The following FNDC3B variants were observed in gnomAD, a reference collection of about 807,000 sequenced individuals.
FNDC3B encodes the protein fibronectin type III domain-containing protein 3B.
In FNDC3B, 12 loss-of-function variants were observed where a neutral mutation model predicts 151.5. The ratio of observed to expected loss-of-function variants is 0.08; its 90% CI spans 0.05 to 0.13. The LOEUF is 0.13. FNDC3B is among the 10% of genes least tolerant of loss of function. The pLI, the probability that FNDC3B is intolerant of heterozygous loss-of-function variation, is 1.00. For missense variants in FNDC3B, 1,214 were observed against 1,505.3 expected (o/e 0.81, Z 3.20); for synonymous variants, 528 against 549.0 (o/e 0.96, Z 0.54).
intron 6 of FNDC3B, among the ~76,000 whole-genome samples, chr3:172,259,662 C>T (rs924138546): frequency 6.6e-6 from 1 of 152,112 alleles, no homozygotes; most frequent in African/African-American, 2.4e-5. Context: ...ATTTACAGCT[C>T]AACAAAGAGG....
chr3:172,320,615 C>T (rs1220214316), intron 11 of FNDC3B, among the ~76,000 whole-genome samples: 3 of 152,218 alleles, frequency 2.0e-5, no homozygotes, highest in African/African-American at 4.8e-5. Flanking sequence ...CAGCCAGCTT[C>T]ATCTGTTAGT....
chr3:172,305,575 A>G (rs1731156457), intron 9 of FNDC3B, among the ~76,000 whole-genome samples: 1 of 152,256 alleles, frequency 6.6e-6, no homozygotes, highest in East Asian at 1.9e-4. Flanking sequence ...AGGTAGTGAC[A>G]TAGTCCTTTA....
chr3:172,360,917 C>T (rs946283609), intron 22 of FNDC3B, among the ~76,000 whole-genome samples: 1 of 152,204 alleles, frequency 6.6e-6, no homozygotes, highest in African/African-American at 2.4e-5. Flanking sequence ...ATTTTAGTTC[C>T]TTTGCCTTTC....
intron 4 of FNDC3B, among the ~76,000 whole-genome samples, chr3:172,246,872 T>G (rs1435928652): frequency 1.3e-5 from 2 of 152,270 alleles, no homozygotes; most frequent in Non-Finnish European, 2.9e-5. Flanking sequence ...ACACTCATCA[T>G]GAGGACATCT....
At chr3:172,247,919 C>A in intron 5 of FNDC3B, 143 bp downstream of exon 5, 2 of 879,640 alleles carry the variant, frequency 2.3e-6, no homozygotes, top group East Asian at 2.6e-5. Context: ...GAATTCCTAG[C>A]TTCCTTTGTC....
intron 11 of FNDC3B, among the ~76,000 whole-genome samples, chr3:172,312,013 T>C (rs1031550026): frequency 4.6e-5 from 7 of 152,176 alleles, no homozygotes; most frequent in Admixed American, 4.6e-4. Context: ...AATGTGGAAT[T>C]TGGGGAGAAA....
At chr3:172,152,058 AG>A (rs1322365043) in intron 3 of FNDC3B, among the ~76,000 whole-genome samples, 1 of 152,192 alleles carries the variant, frequency 6.6e-6, no homozygotes, top group Non-Finnish European at 1.5e-5. Flanking sequence ...CTCACTTTAG[AG>A]GGTCTGTCAG....
rs997412932 is a variant in FNDC3B, at chr3:172,189,108, T to C, written c.188-37763T>C. 2.0e-5 allele frequency among the ~76,000 whole-genome samples: 3 copies of C among 152,216 alleles called. 1 individual carries two copies. The highest frequency in any genetic ancestry group is 7.2e-5 in the African/African-American group (3 of 41,450). On this transcript the variant is annotated intron_variant, in intron 3 of 25. Coordinates refer to ENST00000415807, the MANE Select transcript of FNDC3B (RefSeq NM_022763.4). ...AGCATTAATGCTTGTTTCCAAGAAA[T>C]GGTGAACTTACCTAAACTTAGTAAA...
intron 6 of FNDC3B, among the ~76,000 whole-genome samples, chr3:172,278,708 C>T (rs1239238513): frequency 1.3e-5 from 2 of 152,132 alleles, no homozygotes; most frequent in African/African-American, 4.8e-5. Flanking sequence ...GGGTGGATCA[C>T]TTGAGGTCAG....
At chr3:172,088,249 C>T (rs1412986035) in intron 1 of FNDC3B, among the ~76,000 whole-genome samples, 1 of 152,172 alleles carries the variant, frequency 6.6e-6, no homozygotes. Context: ...AGCAAAACCG[C>T]TGTACTGGTA....
At chr3:172,353,453 A>T (rs1341147554) in intron 22 of FNDC3B, among the ~76,000 whole-genome samples, 1 of 152,218 alleles carries the variant, frequency 6.6e-6, no homozygotes, top group African/African-American at 2.4e-5. Flanking sequence ...GGCTTAAATG[A>T]TGGTAAAACT....
intron 6 of FNDC3B, among the ~76,000 whole-genome samples, chr3:172,254,767 GTCT>G (rs1347106231): frequency 2.0e-5 from 3 of 152,116 alleles, no homozygotes; most frequent in African/African-American, 4.8e-5. Flanking sequence ...TGGGATCTCT[GTCT>G]TCTTGCACTC....
At chr3:172,207,252 C>A (rs907211757) in intron 3 of FNDC3B, among the ~76,000 whole-genome samples, 13 of 152,150 alleles carry the variant, frequency 8.5e-5, no homozygotes, top group African/African-American at 3.1e-4. Context: ...AATTGGAAAA[C>A]TTCTGTTGGG....
At chr3:172,169,411 A>T (rs971478314) in intron 3 of FNDC3B, among the ~76,000 whole-genome samples, 3 of 152,226 alleles carry the variant, frequency 2.0e-5, no homozygotes, top group Non-Finnish European at 2.9e-5. Flanking sequence ...GTAGTCAGTA[A>T]CAAGATACTA....
At chr3:172,230,194 A>G (rs1726815013) in intron 4 of FNDC3B, among the ~76,000 whole-genome samples, 1 of 152,196 alleles carries the variant, frequency 6.6e-6, no homozygotes, top group Non-Finnish European at 1.5e-5. Context: ...AAAGGACACC[A>G]TTAAAAAGTG....
At chr3:172,238,769 G>A (rs1324792044) in intron 4 of FNDC3B, among the ~76,000 whole-genome samples, 1 of 152,182 alleles carries the variant, frequency 6.6e-6, no homozygotes, top group Non-Finnish European at 1.5e-5. Context: ...CGATGCATTT[G>A]TACTCCTGAT....
intron 1 of FNDC3B, among the ~76,000 whole-genome samples, chr3:172,041,152 C>T (rs1327087720): frequency 6.6e-6 from 1 of 152,136 alleles, no homozygotes; most frequent in Non-Finnish European, 1.5e-5. Flanking sequence ...CTCTCTCCAT[C>T]CCTGCTGGTT....
At chr3:172,214,168 G>C (rs1725865952) in intron 3 of FNDC3B, among the ~76,000 whole-genome samples, 1 of 152,268 alleles carries the variant, frequency 6.6e-6, no homozygotes, top group Non-Finnish European at 1.5e-5. Flanking sequence ...AGGTAAGAGA[G>C]CCTAACCTAT....
At chr3:172,389,851 G>A (rs1387045868) in intron 25 of FNDC3B, among the ~76,000 whole-genome samples, 2 of 152,148 alleles carry the variant, frequency 1.3e-5, no homozygotes, top group Non-Finnish European at 2.9e-5. Flanking sequence ...GGGCGAGAGC[G>A]AGACTCGGTC....
Sources: allele counts gnomAD v4.1 joint callset (sites outside exome capture counted in the v4.1 genomes callset), GRCh38; gene constraint gnomAD v4.1.1; transcripts MANE v1.5; gene names NCBI Gene and HGNC (gene_info 2026-07-23, HGNC 2026-07-21).